The following HABP2 variants were observed in gnomAD, a reference collection of about 807,000 sequenced individuals.
HABP2 encodes the protein factor VII-activating protease.
HABP2 carries 65 observed loss-of-function variants against 66.5 expected under a neutral mutation model. The ratio of observed to expected loss-of-function variants is 0.98; its 90% CI spans 0.80 to 1.20. The LOEUF (loss-of-function observed/expected upper bound fraction) is 1.20. HABP2 is among the 50% of genes most tolerant of loss of function. The pLI, the probability that HABP2 is intolerant of heterozygous loss-of-function variation, is 0.00. For synonymous variants in HABP2, 263 were observed against 253.9 expected (o/e 1.04, Z -0.34); for missense variants, 786 against 691.0 (o/e 1.14, Z -1.54).
intron 2 of HABP2, among the ~76,000 whole-genome samples, chr10:113,568,447 C>A (rs576216047): frequency 6.6e-6 from 1 of 152,180 alleles, no homozygotes; most frequent in Non-Finnish European, 1.5e-5. Context: ...CAGCAGCAAA[C>A]CCTGGATGGG....
chr10:113,575,978 C>T lies in HABP2; in HGVS notation c.305C>T (p.Pro102Leu). Reference sequence around the variant, plus strand: ...ACCTTCACATGCAGCTGCCTGGCTCCTTTCTCTGGGAATAAGTGTCAGAAA... The same window carrying T: ...ACCTTCACATGCAGCTGCCTGGCTCTTTTCTCTGGGAATAAGTGTCAGAAA... ...GSTFTCSCLA[P>L]FSGNKCQKVQ... Residue 102 changes from proline (P) to leucine (L), a missense_variant, in exon 4 of 13, where the codon CCT (proline) becomes CTT (leucine). Physicochemically the swap from Pro to Leu is moderately conservative, Grantham distance 98. Coordinates refer to ENST00000351270, the MANE Select transcript of HABP2 (RefSeq NM_004132.5). 1 of 1,604,790 alleles carries T rather than the reference C, an allele frequency of 6.2e-7. No homozygotes were observed. The highest frequency in any genetic ancestry group is 8.5e-7 in the Non-Finnish European group (1 of 1,171,448).
At chr10:113,551,904 T>TG (rs1009870174), upstream of HABP2, among the ~76,000 whole-genome samples, 3 of 150,532 alleles carry the variant, frequency 2.0e-5, no homozygotes, top group African/African-American at 4.9e-5. Flanking sequence ...GGAGGCGGGG[T>TG]GGGGGGAGTT....
Position 113,589,391 on chromosome 10 carries a change from G to C in HABP2, c.*1022G>C, listed in dbSNP as rs555032031. On this transcript the variant is annotated 3_prime_UTR_variant, in exon 13 of 13. Transcript: ENST00000351270. ...CGAGCAAGCAGTCAGCACAGCCTGG[G>C]CTGCCCTGGCCCGGGATTGATGTAG... 16 of 573,624 alleles carry C rather than the reference G, an allele frequency of 2.8e-5. No individual in the cohort carries two copies. The highest frequency in any genetic ancestry group is 2.4e-4 in the African/African-American group (13 of 53,616). 35.5% of individuals were successfully genotyped at this position (573,624 alleles called of 1,614,324 possible).
In HABP2 at chr10:113,553,068, A is replaced by G; in HGVS notation, c.-54A>G. 1 of 1,374,604 alleles carries G rather than the reference A, an allele frequency of 7.3e-7. No individual in the cohort carries two copies. Among genetic ancestry groups the G allele is most frequent in the Middle Eastern group, 1.8e-4 (1 of 5,576 alleles). 85.2% of individuals were successfully genotyped at this position (1,374,604 alleles called of 1,614,324 possible). A position where few individuals can be genotyped will look rare whatever the true frequency, so the allele number is the denominator to read the frequency against. On this transcript the variant is annotated 5_prime_UTR_variant, in exon 1 of 13. In the 5' UTR this introduces an upstream ATG that the reference lacks. Coordinates refer to ENST00000351270, the MANE Select transcript of HABP2 (RefSeq NM_004132.5). ...TGACATTTTTCCCCCCTAAAGGCAT[A>G]GACAACAAAAGAAATTTTATTGAGA...
chr10:113,584,357 C>G, intron 11 of HABP2, 75 bp downstream of exon 11: 1 of 1,267,172 alleles, frequency 7.9e-7, no homozygotes, highest in Non-Finnish European at 1.1e-6. Flanking sequence ...ACTCAACTGC[C>G]CTTTTGAAGT....
At position 113,589,037 on chromosome 10, in the gene HABP2, C is replaced by T; in HGVS notation, c.*668C>T. 6.2e-7 allele frequency: 1 copy of T among 1,614,004 alleles called. No homozygotes were observed. Among genetic ancestry groups the T allele is most frequent in the Non-Finnish European group, 8.5e-7 (1 of 1,179,978 alleles). ...ATCTCAGTGGCATCTGGGTTCACCT[C>T]CCCACTCTGATGATCTCCAGCCTCC... On this transcript the variant is annotated 3_prime_UTR_variant, in exon 13 of 13. Coordinates refer to ENST00000351270, the MANE Select transcript of HABP2 (RefSeq NM_004132.5).
Position 113,578,802 on chromosome 10 carries a change from A to G in HABP2, c.740+4A>G. 5 of 1,589,366 alleles carry G rather than the reference A, an allele frequency of 3.1e-6. No individual in the cohort carries two copies. Among genetic ancestry groups the G allele is most frequent in the Non-Finnish European group, 4.3e-6 (5 of 1,158,128 alleles). The stretch of plus-strand genomic sequence containing the variant: ...TTGGGGAACACAATTTCTGCAGGTA[A>G]CATTTACCTTATTTATGCTCAGTTG... On this transcript the variant is annotated splice_donor_region_variant and intron_variant, in intron 7 of 12. Transcript: ENST00000351270.
At chr10:113,571,420 A>T (rs2133763164) in intron 2 of HABP2, among the ~76,000 whole-genome samples, 1 of 152,300 alleles carries the variant, frequency 6.6e-6, no homozygotes, top group Admixed American at 6.5e-5. Context: ...AGTGGGAGAG[A>T]TACAGAGTCG....
At chr10:113,581,434 C>G (rs920688980) in intron 8 of HABP2, among the ~76,000 whole-genome samples, 1 of 152,210 alleles carries the variant, frequency 6.6e-6, no homozygotes, top group African/African-American at 2.4e-5. Flanking sequence ...CTCACCTATT[C>G]TAGTTCATCT....
At chr10:113,569,490 G>A (rs543249822) in intron 2 of HABP2, among the ~76,000 whole-genome samples, 20 of 152,366 alleles carry the variant, frequency 1.3e-4, no homozygotes, top group Middle Eastern at 3.4e-3. Flanking sequence ...CCCCGTGCTC[G>A]TGCCCGTGGG....
chr10:113,557,876 T>G (rs2133741662), intron 1 of HABP2, among the ~76,000 whole-genome samples: 1 of 152,362 alleles, frequency 6.6e-6, no homozygotes, highest in African/African-American at 2.4e-5. Context: ...TAGGGACCAA[T>G]GTCATTCTCA....
rs532679389 is a variant in HABP2 at position 113,575,754 on chromosome 10, T to C, written c.224-143T>C. Reference sequence around the variant, plus strand: ...TTCCTTGCTGTTTAGGGACAACATATGTTTTCCTCCTTTCCCCAGTTTCTG... The same window carrying C: ...TTCCTTGCTGTTTAGGGACAACATACGTTTTCCTCCTTTCCCCAGTTTCTG... On this transcript the variant is annotated intron_variant, in intron 3 of 12. Coordinates refer to ENST00000351270, the MANE Select transcript of HABP2 (RefSeq NM_004132.5). 5.2e-5 allele frequency: 34 copies of C among 656,776 alleles called. No homozygotes were observed. In the South Asian group the frequency reaches 5.5e-4, roughly 11 times the overall value. The allele number at this position is 656,776 out of a possible 1,614,324, so 40.7% of individuals were successfully genotyped here.
At chr10:113,554,853 T>C (rs1043150489) in intron 1 of HABP2, among the ~76,000 whole-genome samples, 1 of 152,010 alleles carries the variant, frequency 6.6e-6, no homozygotes, top group Non-Finnish European at 1.5e-5. Context: ...AAAGAGAAAA[T>C]ATGAGAGTTA....
At position 113,577,999 on chromosome 10, in the gene HABP2, T is replaced by G. The variant is rs772527165; in HGVS notation, c.449-27T>G. The G allele has an allele frequency of 1.9e-6, 3 of 1,612,274 alleles. No homozygotes were observed. In the African/African-American group the frequency reaches 4.0e-5, roughly 22 times the overall value. On this transcript the variant is annotated intron_variant, in intron 5 of 12. Transcript: ENST00000351270. ...GGGCTGCAACTCCTTCTGAAGAGCC[T>G]TCCTGGCCCCATTCCTGTGTTCACA...
chr10:113,576,514 G>A (rs1845412293), intron 4 of HABP2, among the ~76,000 whole-genome samples: 1 of 152,152 alleles, frequency 6.6e-6, no homozygotes, highest in African/African-American at 2.4e-5. Flanking sequence ...TGTGTCTGCT[G>A]CCAGTGAACT....
chr10:113,557,961 C>G (rs1324499543), intron 1 of HABP2, among the ~76,000 whole-genome samples: 1 of 152,218 alleles, frequency 6.6e-6, no homozygotes, highest in African/African-American at 2.4e-5. Flanking sequence ...GGTTACAGCT[C>G]TGGGATTCAA....
Position 113,585,798 on chromosome 10 carries a change from G to T in HABP2, c.1378G>T (p.Gly460Trp). 6.2e-7 allele frequency: 1 copy of T among 1,613,650 alleles called. No homozygotes were observed. Among genetic ancestry groups the T allele is most frequent in the Non-Finnish European group, 8.5e-7 (1 of 1,179,532 alleles). The change falls in exon 12 of 13, where the codon GGG becomes TGG. Residue 460 changes from glycine to tryptophan, a missense_variant. By Grantham distance (184) the Gly-to-Trp change is radical. Transcript: ENST00000351270. ...SGWGVTETGK[G>W]SRQLLDAKVK... ...TCTCTGCACCTTCCCCACAGGAAAA[G>T]GGTCCCGCCAGCTCCTGGATGCCAA...
At chr10:113,580,522 TCC>T in intron 7 of HABP2, 71 bp from the exon 8 acceptor site, 1 of 820,946 alleles carries the variant, frequency 1.2e-6, no homozygotes, top group Non-Finnish European at 2.1e-6. Flanking sequence ...CACCTTCTTA[TCC>T]AAAGGTTCTT....
chr10:113,553,057 C>A lies in HABP2; in HGVS notation c.-65C>A, dbSNP rs185066511. 1.8e-5 allele frequency: 21 copies of A among 1,198,870 alleles called. No individual in the cohort carries two copies. The highest frequency in any genetic ancestry group is 3.0e-5 in the African/African-American group (2 of 66,924). The allele number at this position is 1,198,870 out of a possible 1,614,324, so 74.3% of individuals were successfully genotyped here. A position where few individuals can be genotyped will look rare whatever the true frequency, so the allele number is the denominator to read the frequency against. ...TCCTTGGAGACTGACATTTTTCCCCCCTAAAGGCATAGACAACAAAAGAAA... is the reference window on the plus strand; with the variant it reads ...TCCTTGGAGACTGACATTTTTCCCCACTAAAGGCATAGACAACAAAAGAAA... On this transcript the variant is annotated 5_prime_UTR_variant, in exon 1 of 13. Transcript: ENST00000351270.
Sources: allele counts gnomAD v4.1 joint callset (sites outside exome capture counted in the v4.1 genomes callset), GRCh38; gene constraint gnomAD v4.1.1; transcripts MANE v1.5; gene names NCBI Gene and HGNC (gene_info 2026-07-23, HGNC 2026-07-21).